Variants in ZNF619 observed in about 807,000 individuals in gnomAD.
The protein encoded by ZNF619 is zinc finger protein 619.
ZNF619 carries 9 observed loss-of-function variants against 14.2 expected under a neutral mutation model. The observed-to-expected ratio is 0.64, with a 90% CI of 0.38 to 1.11. The LOEUF is 1.11. ZNF619 is among the 50% of genes least tolerant of loss of function. The probability of loss-of-function intolerance (pLI) is 0.01; values close to 1 mark genes in which losing one functional copy is unlikely to be tolerated. For synonymous variants in ZNF619, 246 were observed against 252.8 expected, an observed-to-expected ratio of 0.97 and a Z score of 0.26; for missense variants, 659 against 680.1, an observed-to-expected ratio of 0.97 and a Z score of 0.34.
rs1350839168 is a variant in ZNF619, at chr3:40,486,806, G to A, written c.296G>A (p.Gly99Asp). Residue 99 changes from glycine (G) to aspartate (D), a missense_variant and splice_region_variant, in exon 5 of 5, where the codon GGT becomes GAT. Transcript: ENST00000432264. Reference sequence around the variant, plus strand: ...TTATGTTTTCTTTTTATCATGCTAGGTGGTAAAACCAAGACTGAGAATGAG... The same window carrying A: ...TTATGTTTTCTTTTTATCATGCTAGATGGTAAAACCAAGACTGAGAATGAG... ...GGEALRGMCTGGKTKTENEEK... is the reference protein window; with the variant it reads ...GGEALRGMCTDGKTKTENEEK... 1.3e-6 allele frequency: 2 copies of A among 1,586,104 alleles called. No individual in the cohort carries two copies. The highest frequency in any genetic ancestry group is 8.6e-7 in the Non-Finnish European group (1 of 1,169,566).
intron 2 of ZNF619, among the ~76,000 whole-genome samples, chr3:40,480,780 A>G (rs7632468): frequency 0.03 from 4,501 of 152,234 alleles, 197 homozygotes; most frequent in African/African-American, 0.091. Context: ...GATTACAGGC[A>G]TGAGCCACTG....
chr3:40,488,014 TCTC>T lies in ZNF619; in HGVS notation c.1508_1510del (p.Pro503del), dbSNP rs748596536. 26 of 1,614,086 alleles carry T rather than the reference TCTC, an allele frequency of 1.6e-5. No individual in the cohort carries two copies. Among genetic ancestry groups the T allele is most frequent in the Non-Finnish European group, 2.2e-5 (26 of 1,179,990 alleles). On this transcript the variant is annotated inframe_deletion, in exon 5 of 5. Coordinates refer to ENST00000432264, the MANE Select transcript of ZNF619 (RefSeq NM_001145093.4). ...GCCCTACTGTCCCTGCGCCATCCTC[TCTC>T]CTCTGCCTCCCCAACATACCTGCTC...
chr3:40,477,780 C>T, intron 1 of ZNF619, 138 bp from the exon 2 acceptor site: 1 of 575,296 alleles, frequency 1.7e-6, no homozygotes, highest in East Asian at 2.9e-5. Context: ...TTGCAACATC[C>T]CATGAATCAG....
intron 3 of ZNF619, chr3:40,482,237 T>G: frequency 6.4e-7 from 1 of 1,551,728 alleles, no homozygotes. Context: ...GAGACCCAAC[T>G]GCAGGGGGCT....
rs1575276340 is a variant in ZNF619, at chr3:40,489,011, G to A, written c.*770G>A. 6.6e-6 allele frequency: 1 copy of A among 152,218 alleles called. No homozygotes were observed. The highest frequency in any genetic ancestry group is 1.9e-4 in the East Asian group (1 of 5,160). The allele number at this position is 152,218 out of a possible 1,614,324, so 9.4% of individuals were successfully genotyped here. ...TGGTGGACCAGGGGCAAGGCTCACT[G>A]AAAGAATGTAAGACTTGGAATTTTT... On this transcript the variant is annotated 3_prime_UTR_variant, in exon 5 of 5. Coordinates refer to ENST00000432264, the MANE Select transcript of ZNF619 (RefSeq NM_001145093.4).
At chr3:40,484,686 G>C (rs1697522104) in intron 4 of ZNF619, among the ~76,000 whole-genome samples, 1 of 152,280 alleles carries the variant, frequency 6.6e-6, no homozygotes, top group South Asian at 2.1e-4. Context: ...AGTGTGTCTA[G>C]TGCAGCTGAG....
At chr3:40,483,087 A>G (rs1363791300) in intron 4 of ZNF619, among the ~76,000 whole-genome samples, 1 of 152,094 alleles carries the variant, frequency 6.6e-6, no homozygotes, top group Non-Finnish European at 1.5e-5. Flanking sequence ...GCATGTGCCT[A>G]TAGTGCCAGC....
Position 40,488,263 on chromosome 3 carries a change from C to A in ZNF619, c.*22C>A. ...GTAAGCCCCGTCACGTTCTCAAAAT[C>A]CTTTGCACCTCAAGTTAGGGATTCC... On this transcript the variant is annotated 3_prime_UTR_variant, in exon 5 of 5. Transcript: ENST00000432264. The A allele has an allele frequency of 8.3e-7, 1 of 1,208,288 alleles. No homozygotes were observed. The allele number at this position is 1,208,288 out of a possible 1,614,324, so 74.8% of individuals were successfully genotyped here.
At chr3:40,479,536 G>C (rs1697316621) in intron 2 of ZNF619, among the ~76,000 whole-genome samples, 1 of 152,194 alleles carries the variant, frequency 6.6e-6, no homozygotes. Flanking sequence ...TCTTGTAAGA[G>C]TCCTTTCAGA....
At chr3:40,482,375 C>T in intron 3 of ZNF619, 2 of 1,574,322 alleles carry the variant, frequency 1.3e-6, no homozygotes, top group Non-Finnish European at 1.7e-6. Flanking sequence ...CCCTCGTGTA[C>T]ACACCCCCCA....
chr3:40,481,663 G>C (rs1697395991), intron 2 of ZNF619, among the ~76,000 whole-genome samples, 200 bp from the exon 3 acceptor site: 1 of 152,188 alleles, frequency 6.6e-6, no homozygotes, highest in Non-Finnish European at 1.5e-5. Flanking sequence ...ACAGGTGCTG[G>C]GCTGTGTACT....
At chr3:40,481,671 A>G (rs903050174) in intron 2 of ZNF619, among the ~76,000 whole-genome samples, 192 bp from the exon 3 acceptor site, 2 of 152,208 alleles carry the variant, frequency 1.3e-5, no homozygotes, top group Non-Finnish European at 2.9e-5. Flanking sequence ...TGGGCTGTGT[A>G]CTTAGGATGA....
intron 4 of ZNF619, chr3:40,483,732 G>A (rs751116926): frequency 1.2e-5 from 5 of 415,464 alleles, no homozygotes; most frequent in East Asian, 8.6e-5. Context: ...AGGTACAAGC[G>A]ATTCTCCTGC....
intron 2 of ZNF619, 63 bp downstream of exon 2, chr3:40,478,066 C>G: frequency 6.7e-7 from 1 of 1,487,056 alleles, no homozygotes; most frequent in Non-Finnish European, 9.2e-7. Context: ...AGTACAGCCC[C>G]AGTAGCCTGA....
At position 40,482,837 on chromosome 3, in the gene ZNF619, G is replaced by T. The variant is rs1697451977; in HGVS notation, c.295+133G>T. On this transcript the variant is annotated intron_variant, in intron 4 of 4. Transcript: ENST00000432264. ...AAAATAGTCACTCTTATTCAAAGAA[G>T]TGTTGCTTACCAGAACTTCATCCCC... The T allele has an allele frequency of 1.2e-5, 8 of 672,860 alleles. No individual in the cohort carries two copies. The South Asian group carries it at 1.6e-4, about 13-fold the overall frequency. 41.7% of individuals were successfully genotyped at this position (672,860 alleles called of 1,614,324 possible).
intron 2 of ZNF619, 67 bp from the exon 3 acceptor site, chr3:40,481,796 G>T: frequency 6.5e-7 from 1 of 1,549,616 alleles, no homozygotes; most frequent in Non-Finnish European, 8.7e-7. Context: ...ATGGGGCTCA[G>T]TGCCATGGAT....
At chr3:40,485,836 G>C (rs780737897) in intron 4 of ZNF619, among the ~76,000 whole-genome samples, 1 of 152,070 alleles carries the variant, frequency 6.6e-6, no homozygotes, top group Admixed American at 6.6e-5. Flanking sequence ...CCATACCCCC[G>C]CTCCAATTGC....
chr3:40,486,994 G>A lies in ZNF619; in HGVS notation c.484G>A (p.Asp162Asn). 1 of 1,614,214 alleles carries A rather than the reference G, an allele frequency of 6.2e-7. No homozygotes were observed. Among genetic ancestry groups the A allele is most frequent in the Non-Finnish European group, 8.5e-7 (1 of 1,180,050 alleles). Reference protein sequence around the residue: ...GNKTKIGDCTDLTVQDHESST... With the variant: ...GNKTKIGDCTNLTVQDHESST... ...TAAAACAAAGATAGGGGATTGCACAGATTTGACAGTCCAGGATCATGAATC... is the reference window on the plus strand; with the variant it reads ...TAAAACAAAGATAGGGGATTGCACAAATTTGACAGTCCAGGATCATGAATC... Residue 162 changes from aspartate (D) to asparagine (N), a missense_variant, in exon 5 of 5, where the codon GAT becomes AAT. By Grantham distance (23) the Asp-to-Asn change is conservative. Coordinates refer to ENST00000432264, the MANE Select transcript of ZNF619 (RefSeq NM_001145093.4).
At chr3:40,481,099 G>A (rs767629551) in intron 2 of ZNF619, among the ~76,000 whole-genome samples, 2 of 152,166 alleles carry the variant, frequency 1.3e-5, no homozygotes, top group Non-Finnish European at 2.9e-5. Flanking sequence ...GTGCTATAAT[G>A]ATTGAGCAAA....
Sources: gnomAD v4.1 joint callset for allele counts (sites outside exome capture counted in the v4.1 genomes callset) on GRCh38, gnomAD v4.1.1 for gene constraint, MANE v1.5 for transcripts, NCBI Gene and HGNC (gene_info 2026-07-23, HGNC 2026-07-21) for gene names.